The following GPAT3 variants were observed in gnomAD, a reference collection of about 807,000 sequenced individuals.
GPAT3 encodes the protein glycerol-3-phosphate acyltransferase 3.
A neutral mutation model predicts 58.8 loss-of-function variants in GPAT3; 53 were observed. The ratio of observed to expected loss-of-function variants is 0.90; its 90% confidence interval spans 0.72 to 1.13. The LOEUF (loss-of-function observed/expected upper bound fraction) is 1.13, where lower values mean the gene tolerates loss of function less well. GPAT3 is among the 50% of genes most tolerant of loss of function. The probability of loss-of-function intolerance (pLI) is 0.00; values close to 1 mark genes in which losing one functional copy is unlikely to be tolerated. For synonymous variants in GPAT3, 197 were observed against 187.4 expected, an observed-to-expected ratio of 1.05 and a Z score of -0.42; for missense variants, 511 against 527.6, an observed-to-expected ratio of 0.97 and a Z score of 0.31.
intron 2 of GPAT3, among the ~76,000 whole-genome samples, chr4:83,559,452 T>C (rs747234182): frequency 7.2e-5 from 11 of 152,024 alleles, no homozygotes; most frequent in Non-Finnish European, 1.3e-4. Context: ...GCCTCCCGAG[T>C]AGCTGGGATT....
chr4:83,582,344 G>A lies in GPAT3; in HGVS notation c.479+512G>A, dbSNP rs114841292. Reference sequence around the variant, plus strand: ...GTTCCATCCAATTCATTGTGATCACGGACTGCTCTTATTAAAGTGTCCCCA... The same window carrying A: ...GTTCCATCCAATTCATTGTGATCACAGACTGCTCTTATTAAAGTGTCCCCA... On this transcript the variant is annotated intron_variant, in intron 3 of 11. Coordinates refer to ENST00000264409, the MANE Select transcript of GPAT3 (RefSeq NM_032717.5). Among the ~76,000 whole-genome samples the A allele has an allele frequency of 6.1e-3, 928 of 152,288 alleles. 17 individuals are homozygous for A. The highest frequency in any genetic ancestry group is 0.021 in the African/African-American group (879 of 41,554).
intron 4 of GPAT3, 78 bp downstream of exon 4, chr4:83,587,407 T>C: frequency 8.0e-7 from 1 of 1,243,558 alleles, no homozygotes; most frequent in Non-Finnish European, 1.2e-6. Flanking sequence ...AATATTTGTT[T>C]GATTCCTATG....
chr4:83,598,207 T>C (rs1242675293), intron 10 of GPAT3, 28 bp downstream of exon 10: 2 of 1,606,286 alleles, frequency 1.2e-6, no homozygotes, highest in East Asian at 2.2e-5. Flanking sequence ...CTTTATCTAA[T>C]CAGGTAGAGG....
chr4:83,538,443 C>T (rs1457530273), intron 1 of GPAT3, among the ~76,000 whole-genome samples: 1 of 152,292 alleles, frequency 6.6e-6, no homozygotes, highest in Admixed American at 6.5e-5. Flanking sequence ...CTTCAGAATC[C>T]TCTCCCATAG....
At chr4:83,591,891 T>C (rs986406737) in intron 6 of GPAT3, among the ~76,000 whole-genome samples, 3 of 152,118 alleles carry the variant, frequency 2.0e-5, no homozygotes, top group African/African-American at 7.2e-5. Flanking sequence ...GGCTGGGAAG[T>C]CCAATATCAA....
chr4:83,598,560 T>A, intron 10 of GPAT3, 84 bp from the exon 11 acceptor site: 4 of 1,145,912 alleles, frequency 3.5e-6, no homozygotes, highest in South Asian at 1.3e-5. Context: ...TCTTATATTT[T>A]AAAACAAATA....
At chr4:83,537,128 C>T (rs1484740026) in intron 1 of GPAT3, among the ~76,000 whole-genome samples, 1 of 152,176 alleles carries the variant, frequency 6.6e-6, no homozygotes, top group Non-Finnish European at 1.5e-5. Flanking sequence ...CCGCTTCACC[C>T]GCTTGTTTTT....
chr4:83,604,644 A>G (rs1727189213), intron 11 of GPAT3, 24 bp from the exon 12 acceptor site: 1 of 1,579,194 alleles, frequency 6.3e-7, no homozygotes, highest in Non-Finnish European at 8.7e-7. Context: ...AGTATCTTTT[A>G]TGTATTTGTC....
At chr4:83,580,591 A>G (rs1477648335) in intron 2 of GPAT3, among the ~76,000 whole-genome samples, 1 of 152,222 alleles carries the variant, frequency 6.6e-6, no homozygotes, top group Non-Finnish European at 1.5e-5. Flanking sequence ...CCGTACTTGT[A>G]CAAGTTGAAT....
chr4:83,601,881 A>T (rs1327190122), intron 11 of GPAT3, among the ~76,000 whole-genome samples: 1 of 152,266 alleles, frequency 6.6e-6, no homozygotes, highest in Non-Finnish European at 1.5e-5. Flanking sequence ...CCTTCTGATT[A>T]AATGCTAGCT....
rs1363766876 is a variant in GPAT3 at position 83,562,185 on chromosome 4, A to AT, written c.208+17584dup. Among the ~76,000 whole-genome samples, 30 of 52,022 alleles carry AT rather than the reference A, an allele frequency of 5.8e-4. No homozygotes were observed. In the East Asian group the frequency reaches 6.4e-3, roughly 11 times the overall value. 34.1% of individuals were successfully genotyped at this position (52,022 alleles called of 152,430 possible). ...TTTCTAGTTATTTTATATATTATAT[A>AT]TATATATATATATAATATATATATA... On this transcript the variant is annotated intron_variant, in intron 2 of 11. Coordinates refer to ENST00000264409, the MANE Select transcript of GPAT3 (RefSeq NM_032717.5).
At chr4:83,552,853 G>A (rs1480906164) in intron 2 of GPAT3, among the ~76,000 whole-genome samples, 1 of 152,122 alleles carries the variant, frequency 6.6e-6, no homozygotes, top group Non-Finnish European at 1.5e-5. Flanking sequence ...AGTCATGAAG[G>A]TAGAGCCATA....
At chr4:83,589,715 C>T (rs185111729) in intron 5 of GPAT3, among the ~76,000 whole-genome samples, 2 of 152,104 alleles carry the variant, frequency 1.3e-5, no homozygotes, top group Admixed American at 1.3e-4. Context: ...AATCATGGGC[C>T]CCCTACCACA....
In GPAT3 at chr4:83,597,441, A is replaced by G. The variant is rs1218903908; in HGVS notation, c.922A>G (p.Asn308Asp). The G allele has an allele frequency of 4.5e-6, 7 of 1,552,586 alleles. No individual in the cohort carries two copies. Among genetic ancestry groups the G allele is most frequent in the Non-Finnish European group, 5.2e-6 (6 of 1,149,026 alleles). The change falls in exon 9 of 12, where the codon AAC becomes GAC. Residue 308 changes from asparagine (N) to aspartate (D), a missense_variant. Physicochemically the swap from Asn to Asp is conservative, Grantham distance 23. Coordinates refer to ENST00000264409, the MANE Select transcript of GPAT3 (RefSeq NM_032717.5). ...TCACCCCCTTGCAGGAACTTGCATCAACAATACTTCAGTCATGATGTTTAA... is the reference window on the plus strand; with the variant it reads ...TCACCCCCTTGCAGGAACTTGCATCGACAATACTTCAGTCATGATGTTTAA... ...ILIFPEGTCINNTSVMMFKKG... is the reference protein window; with the variant it reads ...ILIFPEGTCIDNTSVMMFKKG...
intron 2 of GPAT3, among the ~76,000 whole-genome samples, chr4:83,579,346 G>A (rs1349793473): frequency 7.4e-6 from 1 of 135,000 alleles, no homozygotes; most frequent in Non-Finnish European, 1.5e-5. Flanking sequence ...AGGCTGGAGT[G>A]CAATGGCATG....
intron 11 of GPAT3, among the ~76,000 whole-genome samples, chr4:83,601,408 A>T (rs1284401990): frequency 6.6e-6 from 1 of 152,242 alleles, no homozygotes; most frequent in African/African-American, 2.4e-5. Flanking sequence ...GATATCCATT[A>T]TGCAAATTAA....
At chr4:83,554,874 G>T (rs1436436349) in intron 2 of GPAT3, among the ~76,000 whole-genome samples, 4 of 150,606 alleles carry the variant, frequency 2.7e-5, no homozygotes, top group Admixed American at 1.3e-4. Context: ...CGTGATCTCG[G>T]ATCACTGCAA....
At chr4:83,545,648 C>T (rs1214317961) in intron 2 of GPAT3, among the ~76,000 whole-genome samples, 1 of 152,130 alleles carries the variant, frequency 6.6e-6, no homozygotes, top group African/African-American at 2.4e-5. Context: ...ATGGTGTATA[C>T]TTAAACACCC....
In GPAT3 at chr4:83,597,330, T is replaced by C. The variant is rs1271770636; in HGVS notation, c.911-100T>C. The C allele has an allele frequency of 4.2e-5, 27 of 637,106 alleles. 1 individual carries two copies. 39.5% of individuals were successfully genotyped at this position (637,106 alleles called of 1,614,324 possible). A position where few individuals can be genotyped will look rare whatever the true frequency, so the allele number is the denominator to read the frequency against. On this transcript the variant is annotated intron_variant, in intron 8 of 11. Coordinates refer to ENST00000264409, the MANE Select transcript of GPAT3 (RefSeq NM_032717.5). ...GGTAGTACGATGCCTGTAATTTTGATATTTTAAATTATTTTATATCAAAAT... is the reference window on the plus strand; with the variant it reads ...GGTAGTACGATGCCTGTAATTTTGACATTTTAAATTATTTTATATCAAAAT...
Sources: gnomAD v4.1 joint callset for allele counts (sites outside exome capture counted in the v4.1 genomes callset) on GRCh38, gnomAD v4.1.1 for gene constraint, MANE v1.5 for transcripts, NCBI Gene and HGNC (gene_info 2026-07-23, HGNC 2026-07-21) for gene names.